The following MYH7B variants were observed in gnomAD, a reference collection of about 807,000 sequenced individuals.
The protein encoded by MYH7B is myosin heavy chain 7B, also known as myosin-7B.
In MYH7B, 205 loss-of-function variants were observed where a neutral mutation model predicts 234.5. The ratio of observed to expected loss-of-function variants is 0.87; its 90% CI spans 0.78 to 0.98. MYH7B has a LOEUF of 0.98. MYH7B is among the 50% of genes least tolerant of loss of function. The pLI is 0.00. For missense variants in MYH7B, 2,652 were observed against 2,633.4 expected, an observed-to-expected ratio of 1.01 and a Z score of -0.15; for synonymous variants, 1,193 against 1,105.0, an observed-to-expected ratio of 1.08 and a Z score of -1.58.
At chr20:34,972,240 C>T (rs778216695) in intron 2 of MYH7B, among the ~76,000 whole-genome samples, 6 of 152,170 alleles carry the variant, frequency 3.9e-5, no homozygotes, top group Admixed American at 6.5e-5. Context: ...GCCTGTCCAC[C>T]CTCACCTTGG....
intron 2 of MYH7B, among the ~76,000 whole-genome samples, chr20:34,958,629 C>T (rs1253817292): frequency 6.6e-6 from 1 of 152,108 alleles, no homozygotes; most frequent in Non-Finnish European, 1.5e-5. Flanking sequence ...CCATGCCCGG[C>T]TAATTTTTGT....
At chr20:34,997,536 G>GACAGCCTGCAGCGGGTGC in exon 32 of MYH7B, 3 of 1,610,186 alleles carry the variant, frequency 1.9e-6, no homozygotes, top group Non-Finnish European at 1.7e-6. Flanking sequence ...GGAGCAGGTG[G>GACAGCCTGCAGCGGGTGC]ACAGCCTGCA....
At position 34,984,907 on chromosome 20, in the gene MYH7B, CAA is replaced by C. The variant is rs1683648549; in HGVS notation, c.703_704del (p.Asn235ArgfsTer7). 1 of 1,613,960 alleles carries C rather than the reference CAA, an allele frequency of 6.2e-7. No individual in the cohort carries two copies. Among genetic ancestry groups the C allele is most frequent in the Non-Finnish European group, 8.5e-7 (1 of 1,179,922 alleles). On this transcript the variant is annotated frameshift_variant, in exon 12 of 45. Coordinates refer to ENST00000262873, the Ensembl canonical transcript of MYH7B. LOFTEE classifies it high-confidence loss of function. Reference sequence around the variant, plus strand: ...CCAACCCTGCCATGGAGGCCTTTGGCAACGCCAAGACCCTGAGGAATGATAAC... The same window carrying C: ...CCAACCCTGCCATGGAGGCCTTTGGCCGCCAAGACCCTGAGGAATGATAAC...
At chr20:34,987,243 A>G (rs1223546886) in exon 16 of MYH7B, 1 of 1,611,926 alleles carries the variant, frequency 6.2e-7, no homozygotes, top group Non-Finnish European at 8.5e-7. Context: ...ATGAAGTTCA[A>G]GCAGAAGCAG....
exon 27 of MYH7B, chr20:34,994,229 T>C (rs749417277): frequency 3.7e-6 from 6 of 1,613,234 alleles, no homozygotes; most frequent in South Asian, 1.1e-5. Flanking sequence ...TTTTTCAAGA[T>C]GAAGCCGCTG....
intron 37 of MYH7B, 34 bp from the exon 38 acceptor site, chr20:34,999,757 C>T (rs376071707): frequency 2.3e-6 from 3 of 1,319,412 alleles, no homozygotes; most frequent in Non-Finnish European, 3.2e-6. Context: ...CCATCCCCCC[C>T]CCCCACCCTA....
At chr20:34,999,693 G>A in exon 37 of MYH7B, 1 of 1,613,230 alleles carries the variant, frequency 6.2e-7, no homozygotes, top group Non-Finnish European at 8.5e-7. Flanking sequence ...GGAGGAGGCA[G>A]AGGTCAGGGG....
Position 34,991,356 on chromosome 20 carries a change from T to G in MYH7B, c.2183+235T>G, listed in dbSNP as rs1484927284. 2.0e-5 allele frequency among the ~76,000 whole-genome samples: 3 copies of G among 152,222 alleles called. No individual in the cohort carries two copies. In the East Asian group the frequency reaches 5.8e-4, roughly 29 times the overall value. On this transcript the variant is annotated intron_variant, in intron 24 of 44. Transcript: ENST00000262873. ...TGGAGGTGGAGCCTACAGGCCTCGC[T>G]GATAAGCTGGACATGGAATTCTGGA... is the stretch of plus-strand genomic sequence containing the variant.
chr20:34,966,746 C>T (rs2081745283), intron 2 of MYH7B, among the ~76,000 whole-genome samples: 1 of 152,060 alleles, frequency 6.6e-6, no homozygotes, highest in Admixed American at 6.6e-5. Context: ...ATACAATTAT[C>T]TCAATAGAAA....
intron 20 of MYH7B, 26 bp from the exon 21 acceptor site, chr20:34,989,988 G>A: frequency 6.2e-7 from 1 of 1,613,650 alleles, no homozygotes; most frequent in Non-Finnish European, 8.5e-7. Flanking sequence ...TCCCACCCGG[G>A]CTCAGCACCT....
chr20:34,999,938 C>CCTTCTGCTCTCGGGAGGTGG, intron 38 of MYH7B, 32 bp downstream of exon 38: 1 of 1,582,564 alleles, frequency 6.3e-7, no homozygotes, highest in Non-Finnish European at 8.7e-7. Context: ...CCCCACCTCC[C>CCTTCTGCTCTCGGGAGGTGG]GAGAGCAGAA....
intron 9 of MYH7B, 72 bp downstream of exon 9, chr20:34,981,132 A>G: frequency 6.3e-7 from 1 of 1,577,644 alleles, no homozygotes; most frequent in Non-Finnish European, 8.7e-7. Flanking sequence ...TACCACAGTC[A>G]TTTCCCAGGA....
Position 34,996,507 on chromosome 20 carries a change from G to GC in MYH7B, c.3106dup (p.Gln1036ProfsTer30), listed in dbSNP as rs1243886000. On this transcript the variant is annotated frameshift_variant, in exon 29 of 45. Coordinates refer to ENST00000262873, the Ensembl canonical transcript of MYH7B. LOFTEE classifies it high-confidence loss of function. Reference sequence around the variant, plus strand: ...TGACCAAGGCCAAGCTCCGGCTGGAGCAACAGGTGGAGGACGTGAGTCAGG... The same window carrying GC: ...TGACCAAGGCCAAGCTCCGGCTGGAGCCAACAGGTGGAGGACGTGAGTCAGG... 4.3e-6 allele frequency: 7 copies of GC among 1,610,756 alleles called. No individual in the cohort carries two copies. The African/African-American group carries it at 9.4e-5, about 22-fold the overall frequency.
In MYH7B at chr20:34,988,155, C is replaced by T; in HGVS notation, c.1480C>T (p.Gln494Ter). ...TGAGAAATTGCAGCAGTTCTTCAAC[C>T]AGCACATGTTTGTGCTGGAGCAGGA... Residue 494 changes from glutamine to a stop codon, truncating the protein, a stop_gained, in exon 19 of 45, where the codon CAG becomes TAG. Transcript: ENST00000262873. LOFTEE classifies it high-confidence loss of function. 1.2e-6 allele frequency: 2 copies of T among 1,614,164 alleles called. No homozygotes were observed. The highest frequency in any genetic ancestry group is 1.1e-5 in the South Asian group (1 of 91,082).
At chr20:34,977,068 C>T (rs1167888441) in intron 3 of MYH7B, among the ~76,000 whole-genome samples, 1 of 122,994 alleles carries the variant, frequency 8.1e-6, no homozygotes, top group Non-Finnish European at 1.7e-5. Flanking sequence ...CCCCCTCTCT[C>T]TCTCCCTCTC....
At chr20:34,990,433 C>T in intron 22 of MYH7B, 123 bp downstream of exon 22, 1 of 1,045,012 alleles carries the variant, frequency 9.6e-7, no homozygotes, top group Non-Finnish European at 1.5e-6. Flanking sequence ...ATGTTTAACT[C>T]CTCTCCACGT....
chr20:34,961,880 G>A (rs2081701172), intron 2 of MYH7B, among the ~76,000 whole-genome samples: 1 of 152,142 alleles, frequency 6.6e-6, no homozygotes, highest in South Asian at 2.1e-4. Context: ...ATCACACTCT[G>A]TTCCTCCACT....
At chr20:34,968,442 G>A (rs367769015) in intron 2 of MYH7B, among the ~76,000 whole-genome samples, 25 of 152,194 alleles carry the variant, frequency 1.6e-4, no homozygotes, top group Admixed American at 9.8e-4. Flanking sequence ...TTGAAGCTCC[G>A]TGAGGAAGAG....
exon 36 of MYH7B, chr20:34,999,124 C>T (rs766825121): frequency 6.8e-6 from 11 of 1,613,510 alleles, no homozygotes; most frequent in East Asian, 4.5e-5. Context: ...AAGTGCTCAT[C>T]GTTGGAGAAG....
Sources: gnomAD v4.1 joint callset for allele counts (sites outside exome capture counted in the v4.1 genomes callset) on GRCh38, gnomAD v4.1.1 for gene constraint, MANE v1.5 for transcripts, NCBI Gene and HGNC (gene_info 2026-07-23, HGNC 2026-07-21) for gene names.